The following STXBP5L variants were observed in gnomAD, a reference collection of about 807,000 sequenced individuals.
The protein encoded by STXBP5L is syntaxin-binding protein 5-like.
Under a neutral mutation model 144.5 loss-of-function variants are expected in STXBP5L, and 65 were observed. That is an observed-to-expected ratio of 0.45 (90% CI 0.37 to 0.55). STXBP5L has a LOEUF of 0.55. Ranked by LOEUF, STXBP5L falls within the 20% of genes least tolerant of loss-of-function variation. The pLI, the probability that STXBP5L is intolerant of heterozygous loss-of-function variation, is 0.00. For synonymous variants in STXBP5L, 505 were observed against 469.6 expected, an observed-to-expected ratio of 1.08 and a Z score of -0.97; for missense variants, 1,298 against 1,405.5, an observed-to-expected ratio of 0.92 and a Z score of 1.22.
At chr3:121,280,294 G>A (rs1339683632) in intron 19 of STXBP5L, among the ~76,000 whole-genome samples, 5 of 151,754 alleles carry the variant, frequency 3.3e-5, no homozygotes, top group Non-Finnish European at 7.4e-5. Context: ...AAAACTGCTT[G>A]CAATGGTTGT....
At chr3:121,002,634 A>C (rs898029596) in intron 3 of STXBP5L, among the ~76,000 whole-genome samples, 4 of 151,954 alleles carry the variant, frequency 2.6e-5, no homozygotes, top group African/African-American at 9.7e-5. Context: ...AAGTATTTTT[A>C]CTATATTTTC....
At chr3:121,240,552 A>G (rs1247093213) in intron 14 of STXBP5L, 45 bp downstream of exon 14, 3 of 1,549,918 alleles carry the variant, frequency 1.9e-6, no homozygotes, top group Non-Finnish European at 2.7e-6. Flanking sequence ...CAACAAAAAG[A>G]TGTTTACTGA....
At chr3:121,354,514 T>A (rs2108621477) in intron 20 of STXBP5L, among the ~76,000 whole-genome samples, 1 of 146,170 alleles carries the variant, frequency 6.8e-6, no homozygotes, top group Admixed American at 6.8e-5. Context: ...CCTGCTTTTT[T>A]TTTTTTTTTT....
rs570683395 is a variant in STXBP5L at position 121,360,219 on chromosome 3, C to G, written c.2177-18497C>G. ...ATTTTTTCTGATATAAATATAGTGA[C>G]TCCTCCTTTTTTTGGTTTCAATTGG... On this transcript the variant is annotated intron_variant, in intron 20 of 26. Coordinates refer to ENST00000471454, the MANE Select transcript of STXBP5L (RefSeq NM_001308330.2). Among the ~76,000 whole-genome samples the G allele has an allele frequency of 5.3e-5, 8 of 150,826 alleles. No homozygotes were observed. The East Asian group carries it at 1.6e-3, about 29-fold the overall frequency.
chr3:120,950,306 CTT>C (rs964991968), intron 2 of STXBP5L, among the ~76,000 whole-genome samples: 10 of 152,006 alleles, frequency 6.6e-5, no homozygotes, highest in African/African-American at 2.4e-4. Context: ...TCTTGGCACT[CTT>C]TTCAAAAATC....
intron 3 of STXBP5L, among the ~76,000 whole-genome samples, chr3:121,027,179 A>G (rs1256737407): frequency 6.7e-6 from 1 of 149,360 alleles, no homozygotes; most frequent in Non-Finnish European, 1.5e-5. Flanking sequence ...TCCTATAAGC[A>G]CATGATCAAA....
At chr3:121,096,219 G>T (rs987954687) in intron 5 of STXBP5L, among the ~76,000 whole-genome samples, 5 of 152,162 alleles carry the variant, frequency 3.3e-5, no homozygotes, top group African/African-American at 1.2e-4. Flanking sequence ...GACTGGAGCT[G>T]TTCATATTTG....
At chr3:121,041,875 C>G in intron 4 of STXBP5L, 94 bp downstream of exon 4, 1 of 805,750 alleles carries the variant, frequency 1.2e-6, no homozygotes, top group South Asian at 1.6e-5. Flanking sequence ...ATTCTAAATG[C>G]TTAAATATAT....
chr3:120,910,017 A>G (rs1378194430), intron 2 of STXBP5L, among the ~76,000 whole-genome samples: 1 of 152,242 alleles, frequency 6.6e-6, no homozygotes, highest in Non-Finnish European at 1.5e-5. Flanking sequence ...TTAAGATCCA[A>G]TAGTGGACAA....
chr3:121,053,645 A>C (rs2107602247), intron 5 of STXBP5L, among the ~76,000 whole-genome samples: 1 of 152,268 alleles, frequency 6.6e-6, no homozygotes, highest in Middle Eastern at 3.4e-3. Flanking sequence ...CTAGAAGAAA[A>C]CCTAGGCAAT....
intron 2 of STXBP5L, among the ~76,000 whole-genome samples, chr3:120,948,782 A>G (rs1711014799): frequency 6.6e-6 from 1 of 151,914 alleles, no homozygotes; most frequent in African/African-American, 2.4e-5. Flanking sequence ...TATATACCAC[A>G]TTCTCTTTAT....
At chr3:121,315,925 C>G (rs1435767277) in intron 19 of STXBP5L, among the ~76,000 whole-genome samples, 1 of 151,656 alleles carries the variant, frequency 6.6e-6, no homozygotes, top group African/African-American at 2.4e-5. Flanking sequence ...CTGATTGAGA[C>G]CCAGGAGGCG....
intron 5 of STXBP5L, among the ~76,000 whole-genome samples, chr3:121,109,934 G>C (rs912173558): frequency 2.0e-5 from 3 of 152,194 alleles, no homozygotes; most frequent in Non-Finnish European, 4.4e-5. Context: ...AGCTCTTCTT[G>C]TTGAATTGAA....
chr3:121,051,298 A>C (rs1197551666), intron 5 of STXBP5L, among the ~76,000 whole-genome samples: 2 of 152,118 alleles, frequency 1.3e-5, no homozygotes, highest in East Asian at 3.9e-4. Context: ...TTTCAGCACC[A>C]CACCACACCT....
In STXBP5L at chr3:121,239,181, A is replaced by AT; in HGVS notation, c.1332+65dup. On this transcript the variant is annotated intron_variant, in intron 13 of 26. Coordinates refer to ENST00000471454, the MANE Select transcript of STXBP5L (RefSeq NM_001308330.2). ...ATATCACATGATCATACTTTTTTCC[A>AT]TTACTTTATTTTCTTACATTCCATA... 5 of 991,590 alleles carry AT rather than the reference A, an allele frequency of 5.0e-6. No individual in the cohort carries two copies. In the South Asian group the frequency reaches 1.1e-4, roughly 21 times the overall value. 61.4% of individuals were successfully genotyped at this position (991,590 alleles called of 1,614,324 possible). A position where few individuals can be genotyped will look rare whatever the true frequency, so the allele number is the denominator to read the frequency against.
chr3:121,133,500 A>G (rs2045094101), intron 7 of STXBP5L, among the ~76,000 whole-genome samples: 1 of 152,202 alleles, frequency 6.6e-6, no homozygotes, highest in African/African-American at 2.4e-5. Context: ...AAGAAAAAAA[A>G]TACTGTCCAT....
intron 19 of STXBP5L, among the ~76,000 whole-genome samples, chr3:121,283,558 A>G (rs1443508327): frequency 6.6e-6 from 1 of 151,966 alleles, no homozygotes; most frequent in Non-Finnish European, 1.5e-5. Flanking sequence ...ATTTTATAAA[A>G]TTTCAGTTTC....
chr3:120,933,003 C>T (rs1360024329), intron 2 of STXBP5L, among the ~76,000 whole-genome samples: 2 of 138,272 alleles, frequency 1.4e-5, no homozygotes, highest in East Asian at 4.3e-4. Context: ...ACAATGAGAA[C>T]ACATGGACAT....
chr3:121,236,155 T>C (rs1305444275), intron 12 of STXBP5L, among the ~76,000 whole-genome samples: 1 of 152,296 alleles, frequency 6.6e-6, no homozygotes, highest in East Asian at 1.9e-4. Flanking sequence ...AGTTATTACA[T>C]CCATAAGTCT....
Sources: gnomAD v4.1 joint callset for allele counts (sites outside exome capture counted in the v4.1 genomes callset) on GRCh38, gnomAD v4.1.1 for gene constraint, MANE v1.5 for transcripts, NCBI Gene and HGNC (gene_info 2026-07-23, HGNC 2026-07-21) for gene names.